KLHL29: variants seen among roughly 807,000 people sequenced by gnomAD.
KLHL29 encodes kelch-like protein 29.
In KLHL29, 21 loss-of-function variants were observed where a neutral mutation model predicts 80.4. That is an observed-to-expected ratio of 0.26 (90% confidence interval 0.19 to 0.38). The LOEUF (loss-of-function observed/expected upper bound fraction) is 0.38, where lower values mean the gene tolerates loss of function less well. KLHL29 is among the 10% of genes least tolerant of loss of function. The pLI is 1.00. For synonymous variants in KLHL29, 511 were observed against 526.8 expected (o/e 0.97, Z 0.41); for missense variants, 867 against 1,223.9 (o/e 0.71, Z 4.35).
At chr2:23,579,894 A>G (rs550917845) in intron 3 of KLHL29, among the ~76,000 whole-genome samples, 1 of 152,308 alleles carries the variant, frequency 6.6e-6, no homozygotes, top group African/African-American at 2.4e-5. Flanking sequence ...CAGCTGGAGC[A>G]TGTGTGAGTG....
intron 1 of KLHL29, among the ~76,000 whole-genome samples, chr2:23,451,558 A>G (rs769724237): frequency 6.6e-5 from 10 of 152,156 alleles, no homozygotes; most frequent in Non-Finnish European, 1.2e-4. Flanking sequence ...AGGCAGCCTC[A>G]TGGCCCCACT....
chr2:23,652,086 G>A (rs545061033), intron 5 of KLHL29, among the ~76,000 whole-genome samples: 4 of 152,170 alleles, frequency 2.6e-5, no homozygotes, highest in Non-Finnish European at 4.4e-5. Context: ...CCCCTCACAA[G>A]GCACAGTTCC....
At chr2:23,403,909 G>A (rs1666660935) in intron 1 of KLHL29, among the ~76,000 whole-genome samples, 1 of 152,078 alleles carries the variant, frequency 6.6e-6, no homozygotes, top group Non-Finnish European at 1.5e-5. Context: ...GGTAGCTGTG[G>A]GCAGAGCCCT....
chr2:23,524,112 A>G (rs1666204139), intron 2 of KLHL29: 1 of 455,312 alleles, frequency 2.2e-6, no homozygotes, highest in African/African-American at 2.0e-5. Flanking sequence ...TGTCGTAGGT[A>G]GCGGAGATGC....
chr2:23,464,638 C>G (rs1376955553), intron 1 of KLHL29, among the ~76,000 whole-genome samples: 1 of 152,194 alleles, frequency 6.6e-6, no homozygotes, highest in Admixed American at 6.5e-5. Context: ...CGTGGCCTCC[C>G]CACTTTCCCC....
chr2:23,694,223 T>TC (rs758790075), intron 8 of KLHL29, among the ~76,000 whole-genome samples: 68 of 152,312 alleles, frequency 4.5e-4, no homozygotes, highest in South Asian at 1.5e-3. Flanking sequence ...AGCCTACACC[T>TC]CTTCCTGTTC....
In KLHL29 at chr2:23,693,978, C is replaced by T. The variant is rs1671785007; in HGVS notation, c.1542+450C>T. ...CAGAGAGGGCTCCCGCCCCAGATCT[C>T]GCCATTGAGCCCCAGAGAAAGGGGT... is the stretch of plus-strand genomic sequence containing the variant. On this transcript the variant is annotated intron_variant, in intron 8 of 13. Coordinates refer to ENST00000486442, the MANE Select transcript of KLHL29 (RefSeq NM_052920.2). Among the ~76,000 whole-genome samples, 6 of 152,200 alleles carry T rather than the reference C, an allele frequency of 3.9e-5. No individual in the cohort carries two copies. In the South Asian group the frequency reaches 6.2e-4, roughly 16 times the overall value.
chr2:23,413,486 C>T lies in KLHL29; in HGVS notation c.-154+27706C>T, dbSNP rs1298293654. Among the ~76,000 whole-genome samples, 4 of 152,276 alleles carry T rather than the reference C, an allele frequency of 2.6e-5. No individual in the cohort carries two copies. In the South Asian group the frequency reaches 6.2e-4, roughly 24 times the overall value. On this transcript the variant is annotated intron_variant, in intron 1 of 13. Coordinates refer to ENST00000486442, the MANE Select transcript of KLHL29 (RefSeq NM_052920.2). Reference sequence around the variant, plus strand: ...TCCACTGAGCCAGGACTGCCATCACCGGGCAGAGGTTAATTGAAAATTCAT... The same window carrying T: ...TCCACTGAGCCAGGACTGCCATCACTGGGCAGAGGTTAATTGAAAATTCAT...
At chr2:23,638,501 C>T (rs1462319125) in intron 3 of KLHL29, among the ~76,000 whole-genome samples, 2 of 152,094 alleles carry the variant, frequency 1.3e-5, no homozygotes, top group South Asian at 2.1e-4. Flanking sequence ...AGCTGAGGGT[C>T]CCACCATCCA....
chr2:23,658,596 G>T (rs747622), intron 5 of KLHL29, among the ~76,000 whole-genome samples: 1 of 152,030 alleles, frequency 6.6e-6, no homozygotes, highest in African/African-American at 2.4e-5. Flanking sequence ...GGCCGTCCAT[G>T]AGGGGCCATC....
At chr2:23,619,142 C>T (rs148167474) in intron 3 of KLHL29, among the ~76,000 whole-genome samples, 57 of 152,328 alleles carry the variant, frequency 3.7e-4, no homozygotes, top group Admixed American at 6.5e-4. Flanking sequence ...GCTCCCTAGA[C>T]GTGGTGTCCA....
At chr2:23,550,652 G>A (rs575627623) in intron 2 of KLHL29, among the ~76,000 whole-genome samples, 29 of 152,322 alleles carry the variant, frequency 1.9e-4, no homozygotes, top group Non-Finnish European at 3.8e-4. Flanking sequence ...GTTCCCTAAT[G>A]TTTCCAAATA....
chr2:23,545,350 TC>T (rs1345502917), intron 2 of KLHL29, among the ~76,000 whole-genome samples: 1 of 152,198 alleles, frequency 6.6e-6, no homozygotes, highest in African/African-American at 2.4e-5. Flanking sequence ...AGCCTCAGTT[TC>T]CCCTTCTATA....
At chr2:23,547,256 A>G (rs990321261) in intron 2 of KLHL29, among the ~76,000 whole-genome samples, 2 of 152,214 alleles carry the variant, frequency 1.3e-5, no homozygotes, top group Non-Finnish European at 2.9e-5. Flanking sequence ...GAGAAGGGCG[A>G]TGCTGCCATT....
intron 2 of KLHL29, among the ~76,000 whole-genome samples, chr2:23,517,170 C>G (rs1245280802): frequency 6.6e-6 from 1 of 152,216 alleles, no homozygotes; most frequent in African/African-American, 2.4e-5. Flanking sequence ...CCACTCTCCT[C>G]CAGCCCGGGG....
intron 2 of KLHL29, among the ~76,000 whole-genome samples, chr2:23,525,320 TG>T (rs1380191961): frequency 6.6e-6 from 1 of 152,278 alleles, no homozygotes; most frequent in East Asian, 1.9e-4. Context: ...AGGACACTTC[TG>T]GGGTTTGGCC....
intron 3 of KLHL29, among the ~76,000 whole-genome samples, chr2:23,613,785 A>AAAAAAAAAAC (rs1558408724): frequency 4.1e-5 from 6 of 146,652 alleles, no homozygotes; most frequent in African/African-American, 1.5e-4. Context: ...AAAAAAAAAA[A>AAAAAAAAAAC]AAAAACCCAC....
Position 23,697,825 on chromosome 2 carries a change from C to G in KLHL29, c.2105+1312C>G, listed in dbSNP as rs903969487. On this transcript the variant is annotated intron_variant, in intron 11 of 13. Transcript: ENST00000486442. ...GCCTTCAGTGTGACCCACTGCCCAG[C>G]TATGCATACCCCAAGCATTCTGGAA... The G allele has an allele frequency of 2.6e-5, 4 of 152,190 alleles. No individual in the cohort carries two copies. In the East Asian group the frequency reaches 7.7e-4, roughly 29 times the overall value. The allele number at this position is 152,190 out of a possible 1,614,324, so 9.4% of individuals were successfully genotyped here.
intron 1 of KLHL29, among the ~76,000 whole-genome samples, chr2:23,402,142 C>T (rs577567039): frequency 3.4e-4 from 51 of 152,062 alleles, no homozygotes; most frequent in Non-Finnish European, 5.3e-4. Flanking sequence ...GGAAGAGCAT[C>T]GAGGACCGGC....
Sources: allele counts gnomAD v4.1 joint callset (sites outside exome capture counted in the v4.1 genomes callset), GRCh38; gene constraint gnomAD v4.1.1; transcripts MANE v1.5; gene names NCBI Gene and HGNC (gene_info 2026-07-23, HGNC 2026-07-21).